KDM4C: variants seen among roughly 807,000 people sequenced by gnomAD.
The protein encoded by KDM4C is lysine demethylase 4C.
A neutral mutation model predicts 129.3 loss-of-function variants in KDM4C; 81 were observed. The ratio of observed to expected loss-of-function variants is 0.63; its 90% CI spans 0.52 to 0.75. The LOEUF (loss-of-function observed/expected upper bound fraction) is 0.75, where lower values mean the gene tolerates loss of function less well. KDM4C is among the 30% of genes least tolerant of loss of function. The pLI is 0.00. For synonymous variants in KDM4C, 573 were observed against 456.1 expected (o/e 1.26, Z -3.26); for missense variants, 1,457 against 1,304.0 (o/e 1.12, Z -1.81).
intron 8 of KDM4C, among the ~76,000 whole-genome samples, chr9:6,926,617 G>A (rs929352012): frequency 5.3e-5 from 8 of 152,128 alleles, no homozygotes; most frequent in African/African-American, 1.2e-4. Context: ...ACTCTAGCAC[G>A]AGTAAGGAAG....
intron 8 of KDM4C, among the ~76,000 whole-genome samples, chr9:6,921,412 A>T (rs1821479034): frequency 1.3e-5 from 2 of 152,054 alleles, no homozygotes; most frequent in South Asian, 4.1e-4. Context: ...TTTAGTGGCA[A>T]CTCTGTTTCT....
At chr9:6,881,003 G>A (rs116466393) in intron 6 of KDM4C, among the ~76,000 whole-genome samples, 2 of 152,190 alleles carry the variant, frequency 1.3e-5, no homozygotes, top group African/African-American at 4.8e-5. Context: ...CTTTATCCAG[G>A]ATTGAGTCCT....
chr9:6,866,803 C>A (rs1357723191), intron 5 of KDM4C, among the ~76,000 whole-genome samples: 4 of 151,218 alleles, frequency 2.6e-5, no homozygotes, highest in African/African-American at 9.7e-5. Context: ...TATTCTCTTA[C>A]TATTTGCTTG....
intron 1 of KDM4C, among the ~76,000 whole-genome samples, chr9:6,777,264 T>C (rs1823283403): frequency 6.6e-6 from 1 of 152,216 alleles, no homozygotes; most frequent in African/African-American, 2.4e-5. Context: ...CACCCAAAGC[T>C]CTCTACTCCT....
chr9:6,925,648 C>T (rs1292716336), intron 8 of KDM4C: 4 of 985,162 alleles, frequency 4.1e-6, no homozygotes, highest in Non-Finnish European at 2.4e-6. Context: ...TTCACCGTTT[C>T]AGAAAGATGC....
At chr9:7,049,473 G>T (rs1418737115) in intron 17 of KDM4C, among the ~76,000 whole-genome samples, 1 of 151,902 alleles carries the variant, frequency 6.6e-6, no homozygotes, top group Non-Finnish European at 1.5e-5. Context: ...CAAACTATAG[G>T]TTATCTGGTA....
chr9:7,012,490 A>G (rs1822892948), intron 13 of KDM4C, among the ~76,000 whole-genome samples: 1 of 152,022 alleles, frequency 6.6e-6, no homozygotes, highest in South Asian at 2.1e-4. Flanking sequence ...TTTTTGTTTG[A>G]AAACGTCATT....
In KDM4C at chr9:6,897,870, T is replaced by TC. The variant is rs560981538; in HGVS notation, c.921+4639dup. Among the ~76,000 whole-genome samples, 103 of 152,338 alleles carry TC rather than the reference T, an allele frequency of 6.8e-4. No homozygotes were observed. The South Asian group carries it at 8.1e-3, about 12-fold the overall frequency. On this transcript the variant is annotated intron_variant, in intron 8 of 21. Transcript: ENST00000381309. The stretch of plus-strand genomic sequence containing the variant: ...TTCTTGATAGAGATTTAAAAATACT[T>TC]CAACAGCTCGTTTAGCAGTTGAAAT...
intron 8 of KDM4C, among the ~76,000 whole-genome samples, chr9:6,939,104 A>G (rs1825360416): frequency 6.6e-6 from 1 of 151,494 alleles, no homozygotes; most frequent in South Asian, 2.1e-4. Flanking sequence ...GCTTGTGGTT[A>G]GGTTCCAGTG....
At chr9:6,985,087 C>T (rs1817459100) in intron 10 of KDM4C, among the ~76,000 whole-genome samples, 2 of 152,314 alleles carry the variant, frequency 1.3e-5, no homozygotes, top group African/African-American at 2.4e-5. Flanking sequence ...CCGACTCCCT[C>T]TGCTGCTTCC....
chr9:6,985,266 T>G (rs1289313679), intron 10 of KDM4C, among the ~76,000 whole-genome samples: 1 of 152,248 alleles, frequency 6.6e-6, no homozygotes, highest in Non-Finnish European at 1.5e-5. Flanking sequence ...TTCTTCTTAG[T>G]ATTATTCCAC....
rs542800256 is a variant in KDM4C at position 7,071,259 on chromosome 9, T to G, written c.2424+22059T>G. On this transcript the variant is annotated intron_variant, in intron 17 of 21. Transcript: ENST00000381309. ...AAATTGATCATAGATTCAGTGTAATTCTAATGAAATTTCCAGCAGGATTTA... is the reference window on the plus strand; with the variant it reads ...AAATTGATCATAGATTCAGTGTAATGCTAATGAAATTTCCAGCAGGATTTA... Among the ~76,000 whole-genome samples, 19 of 152,290 alleles carry G rather than the reference T, an allele frequency of 1.2e-4. 1 individual carries two copies. The South Asian group carries it at 3.9e-3, about 32-fold the overall frequency.
At position 6,986,442 on chromosome 9, in the gene KDM4C, G is replaced by A; in HGVS notation, c.1453G>A (p.Asp485Asn). 1 of 1,614,096 alleles carries A rather than the reference G, an allele frequency of 6.2e-7. No individual in the cohort carries two copies. The highest frequency in any genetic ancestry group is 2.2e-5 in the East Asian group (1 of 44,892). Residue 485 changes from aspartate (D) to asparagine (N), a missense_variant, in exon 11 of 22, where the codon GAT becomes AAT. Transcript: ENST00000381309. ...TGTACCTTCTATATCCAGTGAGGCT[G>A]ATGATTCCATTCCATTGTCTAGTGG... ...RSVPSISSEA[D>N]DSIPLSSGYE...
chr9:7,147,105 G>A (rs746801602), intron 19 of KDM4C, among the ~76,000 whole-genome samples: 1 of 152,004 alleles, frequency 6.6e-6, no homozygotes, highest in Non-Finnish European at 1.5e-5. Context: ...CATTAATATC[G>A]CCATTTGATT....
chr9:6,771,490 T>C (rs1438709633), intron 1 of KDM4C, among the ~76,000 whole-genome samples: 1 of 151,358 alleles, frequency 6.6e-6, no homozygotes, highest in Non-Finnish European at 1.5e-5. Flanking sequence ...TTTGTGTTTT[T>C]AGTAGAGACG....
chr9:6,930,653 C>G (rs1238939907), intron 8 of KDM4C, among the ~76,000 whole-genome samples: 3 of 129,828 alleles, frequency 2.3e-5, no homozygotes, highest in Non-Finnish European at 5.0e-5. Context: ...TGAATACATA[C>G]TACATATAAT....
chr9:7,083,524 A>G (rs973384337), intron 17 of KDM4C, among the ~76,000 whole-genome samples: 1 of 152,140 alleles, frequency 6.6e-6, no homozygotes. Flanking sequence ...TATTGCTCCT[A>G]GCCTTCATGG....
chr9:6,950,569 C>T (rs1306528978), intron 8 of KDM4C, among the ~76,000 whole-genome samples: 1 of 152,132 alleles, frequency 6.6e-6, no homozygotes. Flanking sequence ...TGTCCCTTAG[C>T]AATTAGATGA....
intron 1 of KDM4C, among the ~76,000 whole-genome samples, chr9:6,770,940 T>G (rs1464735990): frequency 2.0e-5 from 3 of 151,814 alleles, no homozygotes; most frequent in Admixed American, 6.6e-5. Context: ...CACTCCCAGC[T>G]AATTTTTGTA....
Sources: allele counts gnomAD v4.1 joint callset (sites outside exome capture counted in the v4.1 genomes callset), GRCh38; gene constraint gnomAD v4.1.1; transcripts MANE v1.5; gene names NCBI Gene and HGNC (gene_info 2026-07-23, HGNC 2026-07-21).